The following KCNJ9 variants were observed in gnomAD, a reference collection of about 807,000 sequenced individuals.
KCNJ9 encodes potassium inwardly rectifying channel subfamily J member 9.
Under a neutral mutation model 27.9 loss-of-function variants are expected in KCNJ9, and 18 were observed. The ratio of observed to expected loss-of-function variants is 0.65; its 90% CI spans 0.45 to 0.96. KCNJ9 has a LOEUF of 0.96. Ranked by LOEUF, KCNJ9 falls within the 40% of genes least tolerant of loss-of-function variation. The probability of loss-of-function intolerance (pLI) is 0.00; values close to 1 mark genes in which losing one functional copy is unlikely to be tolerated. For missense variants in KCNJ9, 324 were observed against 557.5 expected, an observed-to-expected ratio of 0.58 and a Z score of 4.22; for synonymous variants, 229 against 248.2, an observed-to-expected ratio of 0.92 and a Z score of 0.73.
At chr1:160,084,911 T>C in intron 2 of KCNJ9, 31 bp downstream of exon 2, 1 of 1,498,928 alleles carries the variant, frequency 6.7e-7, no homozygotes, top group African/African-American at 1.4e-5. Context: ...GGGAGCGGGG[T>C]TGGCAGAGGG....
intron 2 of KCNJ9, among the ~76,000 whole-genome samples, chr1:160,086,023 T>A (rs1309090576): frequency 6.6e-6 from 1 of 152,188 alleles, no homozygotes; most frequent in East Asian, 1.9e-4. Flanking sequence ...GTCACTCCTT[T>A]TCTGCCAGTA....
rs989541027 is a variant in KCNJ9 at position 160,084,958 on chromosome 1, G to T, written c.850+78G>T. The T allele has an allele frequency of 5.6e-6, 8 of 1,417,670 alleles. No homozygotes were observed. The African/African-American group carries it at 1.0e-4, about 18-fold the overall frequency. The allele number at this position is 1,417,670 out of a possible 1,614,324, so 87.8% of individuals were successfully genotyped here. A position where few individuals can be genotyped will look rare whatever the true frequency, so the allele number is the denominator to read the frequency against. Reference sequence around the variant, plus strand: ...GAGGAAGGCAGGGGCGAGACTAGGGGCCAGGGGAGCTGGGGAGGATGGATG... The same window carrying T: ...GAGGAAGGCAGGGGCGAGACTAGGGTCCAGGGGAGCTGGGGAGGATGGATG... On this transcript the variant is annotated intron_variant, in intron 2 of 2. Transcript: ENST00000368088.
At chr1:160,086,668 G>A (rs968558182) in intron 2 of KCNJ9, among the ~76,000 whole-genome samples, 2 of 152,174 alleles carry the variant, frequency 1.3e-5, no homozygotes, top group Admixed American at 6.5e-5. Context: ...TCTTGATGTC[G>A]TAGCAATGTG....
intron 1 of KCNJ9, among the ~76,000 whole-genome samples, chr1:160,083,405 A>G (rs761284664): frequency 1.1e-4 from 16 of 152,298 alleles, no homozygotes; most frequent in Non-Finnish European, 2.1e-4. Flanking sequence ...AATGAGAAAG[A>G]CTGTGTATCA....
chr1:160,085,423 G>A (rs1185720101), intron 2 of KCNJ9, among the ~76,000 whole-genome samples: 2 of 152,222 alleles, frequency 1.3e-5, no homozygotes, highest in African/African-American at 2.4e-5. Flanking sequence ...AGGTTCAGGG[G>A]TTTTCTCACT....
Position 160,087,794 on chromosome 1 carries a change from C to G in KCNJ9, c.1159C>G (p.Pro387Ala). 1 of 1,511,482 alleles carries G rather than the reference C, an allele frequency of 6.6e-7. No individual in the cohort carries two copies. Among genetic ancestry groups the G allele is most frequent in the Non-Finnish European group, 8.8e-7 (1 of 1,130,122 alleles). 93.6% of individuals were successfully genotyped at this position (1,511,482 alleles called of 1,614,324 possible). The part of the protein sequence containing the change: ...DKEQNGCLPP[P>A]ESESKV Reference sequence around the variant, plus strand: ...GGAGCAGAATGGCTGCCTGCCACCCCCAGAGAGTGAGTCCAAGGTGTGACC... The same window carrying G: ...GGAGCAGAATGGCTGCCTGCCACCCGCAGAGAGTGAGTCCAAGGTGTGACC... The change falls in exon 3 of 3, where the codon CCA (proline) becomes GCA (alanine). Residue 387 changes from proline (P) to alanine (A), a missense_variant. This residue lies in a region of KCNJ9 where 51 missense variants were observed against 44.1 expected (regional missense o/e 1.16). Transcript: ENST00000368088.
Position 160,084,073 on chromosome 1 carries a change from C to CCGCCGCGG in KCNJ9, c.53_60dup (p.Arg21AlafsTer28). 6.5e-7 allele frequency: 1 copy of CCGCCGCGG among 1,534,700 alleles called. No homozygotes were observed. The highest frequency in any genetic ancestry group is 8.7e-7 in the Non-Finnish European group (1 of 1,144,364). ...GGCCTTCTCGCCCGGGCAGGAGGAGCCGCCGCGGCGCCGCGGCCGCCAGCG... is the reference window on the plus strand; with the variant it reads ...GGCCTTCTCGCCCGGGCAGGAGGAGCCGCCGCGGCGCCGCGGCGCCGCGGCCGCCAGCG... On this transcript the variant is annotated frameshift_variant, in exon 2 of 3. Transcript: ENST00000368088. LOFTEE classifies it high-confidence loss of function.
Position 160,087,622 on chromosome 1 carries a change from C to G in KCNJ9, c.987C>G (p.Pro329=), listed in dbSNP as rs1319841215. Residue 329 remains proline, a synonymous_variant, in exon 3 of 3, where the codon CCC becomes CCG. Transcript: ENST00000368088. The part of the protein sequence containing the change: ...YASFHETFEV[P]TPSCSARELA... ...GCTTTCACGAGACTTTTGAGGTGCC[C>G]ACACCTTCGTGCAGTGCTCGAGAGC... The G allele has an allele frequency of 2.5e-6, 4 of 1,613,404 alleles. No individual in the cohort carries two copies. The highest frequency in any genetic ancestry group is 3.4e-6 in the Non-Finnish European group (4 of 1,179,882).
intron 2 of KCNJ9, among the ~76,000 whole-genome samples, chr1:160,085,753 T>A (rs1221382017): frequency 6.6e-6 from 1 of 152,180 alleles, no homozygotes; most frequent in Non-Finnish European, 1.5e-5. Context: ...AGAGGATAGA[T>A]GAGGATGAGG....
intron 1 of KCNJ9, among the ~76,000 whole-genome samples, chr1:160,082,175 G>A (rs1023131779): frequency 8.5e-5 from 13 of 152,182 alleles, no homozygotes; most frequent in South Asian, 6.2e-4. Context: ...TAGGCAAGCC[G>A]ACTGGGGGTC....
chr1:160,086,217 G>T (rs575857017), intron 2 of KCNJ9, among the ~76,000 whole-genome samples: 1 of 152,136 alleles, frequency 6.6e-6, no homozygotes, highest in Non-Finnish European at 1.5e-5. Flanking sequence ...ATGTCTCAGC[G>T]CCAGGCTTTC....
Position 160,087,591 on chromosome 1 carries a change from A to C in KCNJ9, c.956A>C (p.Tyr319Ser). 1 of 1,613,884 alleles carries C rather than the reference A, an allele frequency of 6.2e-7. No individual in the cohort carries two copies. The highest frequency in any genetic ancestry group is 8.5e-7 in the Non-Finnish European group (1 of 1,179,932). Residue 319 changes from tyrosine (Y) to serine (S), a missense_variant, in exon 3 of 3, where the codon TAT (tyrosine) becomes TCT (serine). Around this residue, in one of 3 missense-constraint regions of KCNJ9, gnomAD observed 241 missense variants for 481.7 expected, o/e 0.50. Coordinates refer to ENST00000368088, the MANE Select transcript of KCNJ9 (RefSeq NM_004983.3). ...GAGGACGGCTTCTACGAAGTGGACT[A>C]TGCCAGCTTTCACGAGACTTTTGAG... ...TLEDGFYEVD[Y>S]ASFHETFEVP...
chr1:160,083,631 C>CACACCCCA (rs1250313403), intron 1 of KCNJ9, among the ~76,000 whole-genome samples: 2 of 152,188 alleles, frequency 1.3e-5, no homozygotes, highest in Non-Finnish European at 2.9e-5. Context: ...TGAGGTGCTG[C>CACACCCCA]ACACCCCAGC....
Position 160,084,646 on chromosome 1 carries a change from C to G in KCNJ9, c.616C>G (p.Arg206Gly). 1 of 1,601,990 alleles carries G rather than the reference C, an allele frequency of 6.2e-7. No individual in the cohort carries two copies. The highest frequency in any genetic ancestry group is 8.5e-7 in the Non-Finnish European group (1 of 1,174,466). ...CTCACACATAGTGGAGGCCTCCATC[C>G]GCGCCAAGCTCATCCGCTCGCGCCA... Reference protein sequence around the residue: ...RSSHIVEASIRAKLIRSRQTL... With the variant: ...RSSHIVEASIGAKLIRSRQTL... Residue 206 changes from arginine (R) to glycine (G), a missense_variant, in exon 2 of 3, where the codon CGC becomes GGC. Physicochemically the swap from Arg to Gly is moderately radical, Grantham distance 125. Transcript: ENST00000368088.
In KCNJ9 at chr1:160,084,720, G is replaced by A. The variant is rs1215428532; in HGVS notation, c.690G>A (p.Val230=). 2 of 1,589,242 alleles carry A rather than the reference G, an allele frequency of 1.3e-6. No homozygotes were observed. Among genetic ancestry groups the A allele is most frequent in the South Asian group, 1.1e-5 (1 of 87,870 alleles). ...CGCTGCACCAGACCGACCTCAGCGT[G>A]GGCTTCGACACGGGAGACGACCGCC... is the stretch of plus-strand genomic sequence containing the variant. ...FIPLHQTDLS[V]GFDTGDDRLF... The change falls in exon 2 of 3, where the codon GTG becomes GTA. Residue 230 remains valine (V), a synonymous_variant. Transcript: ENST00000368088.
rs1649853632 is a variant in KCNJ9, at chr1:160,089,525, G to A, written c.*1708G>A. The A allele has an allele frequency of 6.6e-6, 1 of 152,352 alleles. No homozygotes were observed. Among genetic ancestry groups the A allele is most frequent in the Admixed American group, 6.5e-5 (1 of 15,290 alleles). 9.4% of individuals were successfully genotyped at this position (152,352 alleles called of 1,614,324 possible). ...GAACCCCTTGTAGGACTGGAGGCAA[G>A]ATTGAATGTGGGAGAAAATCGGAGA... On this transcript the variant is annotated 3_prime_UTR_variant, in exon 3 of 3. Coordinates refer to ENST00000368088, the MANE Select transcript of KCNJ9 (RefSeq NM_004983.3).
At chr1:160,085,019 C>G in intron 2 of KCNJ9, 139 bp downstream of exon 2, 1 of 1,021,326 alleles carries the variant, frequency 9.8e-7, no homozygotes, top group African/African-American at 1.6e-5. Flanking sequence ...TGAGGTGAGA[C>G]AGGGGTCGGA....
At chr1:160,086,988 G>A (rs1350890554) in intron 2 of KCNJ9, among the ~76,000 whole-genome samples, 1 of 152,136 alleles carries the variant, frequency 6.6e-6, no homozygotes, top group Non-Finnish European at 1.5e-5. Flanking sequence ...AAGTGGGAGG[G>A]GAATGAAGCC....
chr1:160,084,649 G>T lies in KCNJ9; in HGVS notation c.619G>T (p.Ala207Ser). Residue 207 changes from alanine (A) to serine (S), a missense_variant, in exon 2 of 3, where the codon GCC becomes TCC. Transcript: ENST00000368088. Reference sequence around the variant, plus strand: ...ACACATAGTGGAGGCCTCCATCCGCGCCAAGCTCATCCGCTCGCGCCAGAC... The same window carrying T: ...ACACATAGTGGAGGCCTCCATCCGCTCCAAGCTCATCCGCTCGCGCCAGAC... ...SSHIVEASIR[A>S]KLIRSRQTLE... is the part of the protein sequence containing the mutation. 6.2e-7 allele frequency: 1 copy of T among 1,601,250 alleles called. No individual in the cohort carries two copies.
Sources: gnomAD v4.1 joint callset for allele counts (sites outside exome capture counted in the v4.1 genomes callset) on GRCh38, gnomAD v4.1.1 for gene constraint, gnomAD v4.1.1 regional missense constraint, MANE v1.5 for transcripts, NCBI Gene and HGNC (gene_info 2026-07-23, HGNC 2026-07-21) for gene names.